The following SCGB2B2 variants were observed in gnomAD, a reference collection of about 807,000 sequenced individuals.
SCGB2B2 encodes secretoglobin-like protein.
A neutral mutation model predicts 7.6 loss-of-function variants in SCGB2B2; 11 were observed. The observed-to-expected ratio is 1.45, with a 90% CI of 0.91 to 2.40. The LOEUF (loss-of-function observed/expected upper bound fraction) is 2.40. Among genes scored for constraint, SCGB2B2 ranks in the 30% most tolerant of loss-of-function variants. The probability of loss-of-function intolerance (pLI) is 0.00; values close to 1 mark genes in which losing one functional copy is unlikely to be tolerated. For synonymous variants in SCGB2B2, 50 were observed against 48.6 expected (o/e 1.03, Z -0.12); for missense variants, 104 against 115.4 (o/e 0.90, Z 0.45).
intron 1 of SCGB2B2, among the ~76,000 whole-genome samples, chr19:34,650,231 T>C (rs2067128963): frequency 6.6e-6 from 1 of 151,142 alleles, no homozygotes; most frequent in Admixed American, 6.6e-5. Context: ...AGGCCTGACA[T>C]TTACCTTTCT....
At chr19:34,605,664 C>G (rs540735137) in intron 1 of SCGB2B2, among the ~76,000 whole-genome samples, 1 of 152,082 alleles carries the variant, frequency 6.6e-6, no homozygotes, top group African/African-American at 2.4e-5. Flanking sequence ...CTTGGCTCAC[C>G]GCAACCTCCA....
intron 1 of SCGB2B2, among the ~76,000 whole-genome samples, chr19:34,647,716 G>T (rs140319198): frequency 5.9e-5 from 9 of 152,328 alleles, no homozygotes. Flanking sequence ...AGATGAGGGC[G>T]CTGCTTCCCT....
At position 34,649,511 on chromosome 19, in the gene SCGB2B2, T is replaced by C. The variant is rs530954728; in HGVS notation, c.-2032+26119A>G. ...TTCTCTTTTTTTGTGTGAATTTACT[T>C]AAAAGAAAAAAAAACTTTTTGCAAT... On this transcript the variant is annotated intron_variant, in intron 1 of 3. Transcript: ENST00000601241. 3.3e-5 allele frequency among the ~76,000 whole-genome samples: 5 copies of C among 152,058 alleles called. No homozygotes were observed. In the South Asian group the frequency reaches 1.0e-3, roughly 32 times the overall value.
At chr19:34,665,573 G>T (rs1398476722) in intron 1 of SCGB2B2, among the ~76,000 whole-genome samples, 1 of 151,982 alleles carries the variant, frequency 6.6e-6, no homozygotes, top group African/African-American at 2.4e-5. Context: ...CACTTGTGGG[G>T]CAGTCCTGTA....
In SCGB2B2 at chr19:34,594,710, G is replaced by T. The variant is rs770532145; in HGVS notation, c.-147C>A. On this transcript the variant is annotated 5_prime_UTR_variant, in exon 2 of 4. Transcript: ENST00000601241. ...GTGTGTGTGTGTGTGTGTGAATGTG[G>T]TCAGGGCAGGTCTGCAGAGAGACCC... The T allele has an allele frequency of 3.0e-5, 21 of 711,224 alleles. No individual in the cohort carries two copies. Among genetic ancestry groups the T allele is most frequent in the African/African-American group, 7.2e-5 (4 of 55,174 alleles). 44.1% of individuals were successfully genotyped at this position (711,224 alleles called of 1,614,324 possible). A position where few individuals can be genotyped will look rare whatever the true frequency, so the allele number is the denominator to read the frequency against.
At chr19:34,627,521 G>A (rs895554479) in intron 1 of SCGB2B2, among the ~76,000 whole-genome samples, 2 of 152,152 alleles carry the variant, frequency 1.3e-5, no homozygotes, top group Non-Finnish European at 2.9e-5. Flanking sequence ...AGACAAAGAA[G>A]GCCATTACAT....
intron 1 of SCGB2B2, chr19:34,645,967 A>G (rs906536653): frequency 3.3e-6 from 1 of 306,176 alleles, no homozygotes; most frequent in African/African-American, 2.2e-5. Context: ...GAGCTTGCTC[A>G]ATACAACCCC....
At chr19:34,670,685 T>C (rs2067779299) in intron 1 of SCGB2B2, among the ~76,000 whole-genome samples, 1 of 152,244 alleles carries the variant, frequency 6.6e-6, no homozygotes, top group Non-Finnish European at 1.5e-5. Context: ...GGCTCTTTTC[T>C]TCCTTCATCT....
intron 1 of SCGB2B2, among the ~76,000 whole-genome samples, chr19:34,612,751 G>T (rs1448520087): frequency 6.6e-6 from 1 of 151,854 alleles, no homozygotes; most frequent in East Asian, 1.9e-4. Flanking sequence ...TGAGAGTGGG[G>T]TGTTGAAGCT....
chr19:34,663,071 C>G (rs1485237864), intron 1 of SCGB2B2, among the ~76,000 whole-genome samples: 3 of 152,194 alleles, frequency 2.0e-5, no homozygotes, highest in Non-Finnish European at 4.4e-5. Flanking sequence ...CAAATGGAAA[C>G]CCAATGAGAT....
In SCGB2B2 at chr19:34,659,576, T is replaced by C. The variant is rs543592825; in HGVS notation, c.-2032+16054A>G. ...GAATAAAATACCTAGGAATCCAACT[T>C]ACAAGGGATGTGAAGGATGTCTTCA... On this transcript the variant is annotated intron_variant, in intron 1 of 3. Transcript: ENST00000601241. 1.9e-3 allele frequency among the ~76,000 whole-genome samples: 290 copies of C among 152,268 alleles called. 3 individuals carry two copies. The highest frequency in any genetic ancestry group is 6.8e-3 in the African/African-American group (282 of 41,544).
In SCGB2B2 at chr19:34,606,515, T is replaced by TC. The variant is rs770144609; in HGVS notation, c.-2031-9922_-2031-9921insG. On this transcript the variant is annotated intron_variant, in intron 1 of 3. Coordinates refer to ENST00000601241, the MANE Select transcript of SCGB2B2 (RefSeq NM_001025591.4). ...TAGGAAACAGGTTTTTCTTTTCTTT[T>TC]TCTTTTTTTTTTTGCTGGTGAGGAC... 2.8e-4 allele frequency among the ~76,000 whole-genome samples: 32 copies of TC among 114,308 alleles called. 2 individuals are homozygous for TC. The highest frequency in any genetic ancestry group is 3.6e-4 in the Non-Finnish European group (17 of 47,294). 75.0% of individuals were successfully genotyped at this position (114,308 alleles called of 152,430 possible).
In SCGB2B2 at chr19:34,594,388, CAG is replaced by C. The variant is rs367562450; in HGVS notation, c.62-31_62-30del. ...TGGAGGATGAGGTGAGATAAGAAAACAGAGGAGGTCAGAATTCAGCGAAACCT... is the reference window on the plus strand; with the variant it reads ...TGGAGGATGAGGTGAGATAAGAAAACAGGAGGTCAGAATTCAGCGAAACCT... On this transcript the variant is annotated intron_variant, in intron 2 of 3. Coordinates refer to ENST00000601241, the MANE Select transcript of SCGB2B2 (RefSeq NM_001025591.4). 1,733 of 1,609,726 alleles carry C rather than the reference CAG, an allele frequency of 1.1e-3. 15 individuals carry two copies. In the African/African-American group the frequency reaches 0.021, roughly 19 times the overall value.
chr19:34,661,139 G>C (rs1174843720), intron 1 of SCGB2B2, among the ~76,000 whole-genome samples: 1 of 151,300 alleles, frequency 6.6e-6, no homozygotes, highest in Admixed American at 6.6e-5. Context: ...GGGGGGCTGG[G>C]GTAGGGATAC....
intron 1 of SCGB2B2, among the ~76,000 whole-genome samples, chr19:34,641,448 C>G (rs945136841): frequency 1.1e-4 from 16 of 152,166 alleles, no homozygotes; most frequent in African/African-American, 3.9e-4. Flanking sequence ...GTCACTATGT[C>G]AAAATCCAAT....
At chr19:34,619,290 G>A (rs886297762) in intron 1 of SCGB2B2, among the ~76,000 whole-genome samples, 44 of 152,212 alleles carry the variant, frequency 2.9e-4, no homozygotes, top group African/African-American at 8.2e-4. Flanking sequence ...CAATATTCAC[G>A]CATATATAGG....
At chr19:34,649,484 A>G (rs1284809473) in intron 1 of SCGB2B2, among the ~76,000 whole-genome samples, 1 of 151,946 alleles carries the variant, frequency 6.6e-6, no homozygotes, top group Non-Finnish European at 1.5e-5. Flanking sequence ...ATCACTTTCG[A>G]TTTCTCTTTT....
Position 34,593,362 on chromosome 19 carries a change from A to G in SCGB2B2, c.*193T>C. ...ACCTGTAGAGTTTTTCCTCAGTCGC[A>G]TATTTTCACACTGGGACCCTGGTCA... is the stretch of plus-strand genomic sequence containing the variant. On this transcript the variant is annotated 3_prime_UTR_variant, in exon 4 of 4. Transcript: ENST00000601241. 2 of 542,522 alleles carry G rather than the reference A, an allele frequency of 3.7e-6. No individual in the cohort carries two copies. Among genetic ancestry groups the G allele is most frequent in the South Asian group, 5.2e-5 (2 of 38,232 alleles). 33.6% of individuals were successfully genotyped at this position (542,522 alleles called of 1,614,324 possible).
intron 1 of SCGB2B2, among the ~76,000 whole-genome samples, chr19:34,665,177 T>C (rs928590302): frequency 6.6e-6 from 1 of 152,188 alleles, no homozygotes; most frequent in Non-Finnish European, 1.5e-5. Flanking sequence ...GTCCCTCCTG[T>C]GCCCAGGCCC....
Sources: gnomAD v4.1 joint callset for allele counts (sites outside exome capture counted in the v4.1 genomes callset) on GRCh38, gnomAD v4.1.1 for gene constraint, MANE v1.5 for transcripts, NCBI Gene and HGNC (gene_info 2026-07-23, HGNC 2026-07-21) for gene names.